AGAP1: variants seen among roughly 807,000 people sequenced by gnomAD.
AGAP1 encodes the protein ArfGAP with GTPase domain, ankyrin repeat and PH domain 1.
Under a neutral mutation model 105.3 loss-of-function variants are expected in AGAP1, and 29 were observed. The ratio of observed to expected loss-of-function variants is 0.28; its 90% confidence interval spans 0.21 to 0.38. AGAP1 has a LOEUF of 0.38. Among genes scored for constraint, AGAP1 ranks in the 10% least tolerant of loss-of-function variants. The pLI is 1.00. For missense variants in AGAP1, 998 were observed against 1,165.1 expected, an observed-to-expected ratio of 0.86 and a Z score of 2.09; for synonymous variants, 509 against 485.9, an observed-to-expected ratio of 1.05 and a Z score of -0.63.
At chr2:235,654,607 G>A (rs1575051500) in intron 1 of AGAP1, among the ~76,000 whole-genome samples, 1 of 151,966 alleles carries the variant, frequency 6.6e-6, no homozygotes, top group Non-Finnish European at 1.5e-5. Context: ...GAGATAAAGT[G>A]ATCTCAAGAC....
In AGAP1 at chr2:235,714,447, C is replaced by T. The variant is rs562677063; in HGVS notation, c.223-3110C>T. On this transcript the variant is annotated intron_variant, in intron 2 of 17. Transcript: ENST00000304032. The surrounding 1 kb of genome is among the most constrained non-coding windows in gnomAD (Gnocchi z 4.1). ...CTGAACTGATAGTAAGAGTAGGTTT[C>T]GGGGAATGATTGATATGGAAAGCTT... Among the ~76,000 whole-genome samples the T allele has an allele frequency of 3.8e-4, 57 of 151,930 alleles. No individual in the cohort carries two copies. Among genetic ancestry groups the T allele is most frequent in the Non-Finnish European group, 6.9e-4 (47 of 67,990 alleles).
intron 1 of AGAP1, among the ~76,000 whole-genome samples, chr2:235,698,499 A>C (rs1428405779): frequency 6.6e-6 from 1 of 152,186 alleles, no homozygotes; most frequent in Admixed American, 6.5e-5. Flanking sequence ...TCTGACTTGT[A>C]CCTTTTCATA....
chr2:235,986,606 G>A (rs894543136), intron 13 of AGAP1, among the ~76,000 whole-genome samples: 1 of 152,136 alleles, frequency 6.6e-6, no homozygotes, highest in African/African-American at 2.4e-5. Context: ...TTGCCTGTGG[G>A]TTTGTCATAA....
chr2:235,951,496 T>C lies in AGAP1; in HGVS notation c.1484-16966T>C, dbSNP rs1320457206. Among the ~76,000 whole-genome samples the C allele has an allele frequency of 6.6e-6, 1 of 152,166 alleles. No homozygotes were observed. Among genetic ancestry groups the C allele is most frequent in the Non-Finnish European group, 1.5e-5 (1 of 68,018 alleles). On this transcript the variant is annotated intron_variant, in intron 12 of 17. Transcript: ENST00000304032. The surrounding 1 kb of genome is among the most constrained non-coding windows in gnomAD (Gnocchi z 4.2). ...TTATGAGATTTCCTCTGAACTTTGT[T>C]CTTCTCGTTATTTTTGGAATGATTG...
intron 1 of AGAP1, among the ~76,000 whole-genome samples, chr2:235,595,785 G>C (rs7592179): frequency 0.14 from 21,591 of 152,236 alleles, 1,753 homozygotes; most frequent in South Asian, 0.29. Context: ...AGCGATATGA[G>C]GTGGCAAAGG....
chr2:235,808,414 G>T (rs1213481088), intron 9 of AGAP1, among the ~76,000 whole-genome samples: 1 of 152,232 alleles, frequency 6.6e-6, no homozygotes, highest in Non-Finnish European at 1.5e-5. Context: ...TGGTGGTGCA[G>T]GTTTCGTCCA....
chr2:235,780,273 G>T (rs1956177266), intron 6 of AGAP1, among the ~76,000 whole-genome samples: 1 of 152,092 alleles, frequency 6.6e-6, no homozygotes, highest in South Asian at 2.1e-4. Context: ...ATAGCTACAG[G>T]TAACTGCAAA....
At chr2:235,771,880 G>A (rs990629392) in intron 6 of AGAP1, among the ~76,000 whole-genome samples, 19 of 151,318 alleles carry the variant, frequency 1.3e-4, no homozygotes, top group African/African-American at 3.4e-4. Flanking sequence ...TACTTGTTTC[G>A]AGGCCTGTGA....
intron 12 of AGAP1, among the ~76,000 whole-genome samples, chr2:235,932,753 C>A (rs912343488): frequency 6.6e-6 from 1 of 152,226 alleles, no homozygotes; most frequent in Non-Finnish European, 1.5e-5. Flanking sequence ...CTGAATAGCT[C>A]TTTCTGTTGA....
At position 235,747,110 on chromosome 2, in the gene AGAP1, T is replaced by G. The variant is rs1358995481; in HGVS notation, c.538+2271T>G. ...ACAATGGCTGCTTTTGTTCCTCATA[T>G]TTCAATCTGCGACCAGTGTTCCAGG... On this transcript the variant is annotated intron_variant, in intron 5 of 17. Coordinates refer to ENST00000304032, the MANE Select transcript of AGAP1 (RefSeq NM_001037131.3). This position sits in a 1 kb window ranked among gnomAD's most constrained non-coding sequence, Gnocchi z 5.0. 6.6e-6 allele frequency among the ~76,000 whole-genome samples: 1 copy of G among 152,058 alleles called. No individual in the cohort carries two copies.
chr2:235,650,851 C>T (rs1487966692), intron 1 of AGAP1, among the ~76,000 whole-genome samples: 12 of 152,046 alleles, frequency 7.9e-5, no homozygotes, highest in Admixed American at 6.6e-4. Flanking sequence ...GCAGAGCAGC[C>T]TCTGACATGT....
At position 236,128,103 on chromosome 2, in the gene AGAP1, C is replaced by T. The variant is rs1367570734; in HGVS notation, c.*3981C>T. On this transcript the variant is annotated 3_prime_UTR_variant, in exon 18 of 18. Transcript: ENST00000304032. This position sits in a 1 kb window ranked among gnomAD's most constrained non-coding sequence, Gnocchi z 5.9. ...CCCCCCCCCCAGTAGAGCCCAGGAC[C>T]CTCCTCTCTCAGCTTGCCAGTGCCC... 6.6e-6 allele frequency: 1 copy of T among 152,102 alleles called. No individual in the cohort carries two copies. The highest frequency in any genetic ancestry group is 6.6e-5 in the Admixed American group (1 of 15,266). 9.4% of individuals were successfully genotyped at this position (152,102 alleles called of 1,614,324 possible).
chr2:235,646,317 GC>G (rs1285931936), intron 1 of AGAP1, among the ~76,000 whole-genome samples: 5 of 150,802 alleles, frequency 3.3e-5, no homozygotes, highest in Non-Finnish European at 7.4e-5. Context: ...CAGAAAAGGA[GC>G]CATCTTAAGA....
At position 235,971,304 on chromosome 2, in the gene AGAP1, A is replaced by C. The variant is rs2054631355; in HGVS notation, c.1645+2681A>C. Reference sequence around the variant, plus strand: ...TTCCCCCCAAATTGTAACATATCTGAAGTCAGAACATATCATTGTAGATTC... The same window carrying C: ...TTCCCCCCAAATTGTAACATATCTGCAGTCAGAACATATCATTGTAGATTC... On this transcript the variant is annotated intron_variant, in intron 13 of 17. Coordinates refer to ENST00000304032, the MANE Select transcript of AGAP1 (RefSeq NM_001037131.3). This position sits in a 1 kb window ranked among gnomAD's most constrained non-coding sequence, Gnocchi z 4.8. Among the ~76,000 whole-genome samples, 1 of 152,226 alleles carries C rather than the reference A, an allele frequency of 6.6e-6. No individual in the cohort carries two copies. Among genetic ancestry groups the C allele is most frequent in the Non-Finnish European group, 1.5e-5 (1 of 68,046 alleles).
At chr2:235,516,313 G>C (rs539131495) in intron 1 of AGAP1, among the ~76,000 whole-genome samples, 1 of 152,212 alleles carries the variant, frequency 6.6e-6, no homozygotes, top group African/African-American at 2.4e-5. Context: ...CAGAAATGCT[G>C]TACTCCTTCC....
intron 6 of AGAP1, among the ~76,000 whole-genome samples, chr2:235,758,505 C>T (rs111265281): frequency 2.8e-4 from 42 of 152,044 alleles, no homozygotes; most frequent in African/African-American, 7.2e-4. Context: ...TCACTGTCCC[C>T]GTCTCTACAC....
Position 235,557,680 on chromosome 2 carries a change from T to C in AGAP1, c.163+62831T>C, listed in dbSNP as rs1301633712. Among the ~76,000 whole-genome samples the C allele has an allele frequency of 1.3e-5, 2 of 151,754 alleles. No homozygotes were observed. Among genetic ancestry groups the C allele is most frequent in the Non-Finnish European group, 2.9e-5 (2 of 67,956 alleles). On this transcript the variant is annotated intron_variant, in intron 1 of 17. Coordinates refer to ENST00000304032, the MANE Select transcript of AGAP1 (RefSeq NM_001037131.3). The surrounding 1 kb of genome is among the most constrained non-coding windows in gnomAD (Gnocchi z 4.7). ...GATAAGGAAACTGAGGCACAGAGGGTCGAGGAACTTGCTGTGGTACACCCA... is the reference window on the plus strand; with the variant it reads ...GATAAGGAAACTGAGGCACAGAGGGCCGAGGAACTTGCTGTGGTACACCCA...
rs1191358234 is a variant in AGAP1 at position 235,559,792 on chromosome 2, T to A, written c.163+64943T>A. On this transcript the variant is annotated intron_variant, in intron 1 of 17. Transcript: ENST00000304032. This position sits in a 1 kb window ranked among gnomAD's most constrained non-coding sequence, Gnocchi z 5.7. ...TAAAGCATATTTATATATTTGTATA[T>A]CTTAGGAGAAATACCTATTCAAATC... 6.6e-6 allele frequency among the ~76,000 whole-genome samples: 1 copy of A among 152,162 alleles called. No individual in the cohort carries two copies. Among genetic ancestry groups the A allele is most frequent in the Non-Finnish European group, 1.5e-5 (1 of 68,038 alleles).
At position 235,895,650 on chromosome 2, in the gene AGAP1, A is replaced by G. The variant is rs559236474; in HGVS notation, c.1155+12201A>G. 8.5e-5 allele frequency among the ~76,000 whole-genome samples: 13 copies of G among 152,266 alleles called. No individual in the cohort carries two copies. In the South Asian group the frequency reaches 2.1e-3, roughly 24 times the overall value. ...ACAAGACTGGAAGCTCCTTGAGGCA[A>G]GGATGTATATGTCACCAATGTATCT... On this transcript the variant is annotated intron_variant, in intron 10 of 17. Transcript: ENST00000304032.
Sources: allele counts gnomAD v4.1 joint callset (sites outside exome capture counted in the v4.1 genomes callset), GRCh38; gene constraint gnomAD v4.1.1; non-coding constraint Gnocchi (gnomAD v3.1); transcripts MANE v1.5; gene names NCBI Gene and HGNC (gene_info 2026-07-23, HGNC 2026-07-21).